MID1: variants seen among roughly 807,000 people sequenced by gnomAD.
The protein encoded by MID1 is E3 ubiquitin-protein ligase Midline-1.
Under a neutral mutation model 40.4 loss-of-function variants are expected in MID1, and 7 were observed. The ratio of observed to expected loss-of-function variants is 0.17; its 90% CI spans 0.10 to 0.33. The LOEUF is 0.33. Ranked by LOEUF, MID1 falls within the 10% of genes least tolerant of loss-of-function variation. The pLI, the probability that MID1 is intolerant of heterozygous loss-of-function variation, is 1.00. For missense variants in MID1, 367 were observed against 558.5 expected, an observed-to-expected ratio of 0.66 and a Z score of 3.46; for synonymous variants, 229 against 221.2, an observed-to-expected ratio of 1.04 and a Z score of -0.31.
chrX:10,702,270 C>T (rs768886611), intron 1 of MID1, among the ~76,000 whole-genome samples: 2 of 111,958 alleles, frequency 1.8e-5, no homozygotes, highest in African/African-American at 6.5e-5. Context: ...ATTTGGCCAA[C>T]TCTCTTTGGG....
chrX:10,471,295 A>C (rs928449234), intron 6 of MID1, among the ~76,000 whole-genome samples: 1 of 112,372 alleles, frequency 8.9e-6, no homozygotes, highest in Non-Finnish European at 1.9e-5. Flanking sequence ...AAGTTTATAA[A>C]AACTGTAAAT....
At chrX:10,688,424 T>G (rs1434155090) in intron 1 of MID1, among the ~76,000 whole-genome samples, 2 of 111,763 alleles carry the variant, frequency 1.8e-5, no homozygotes, top group Non-Finnish European at 3.8e-5. Context: ...GCCTTTTAAT[T>G]TCATTCTTAC....
At chrX:10,602,189 T>A (rs60573603) in intron 1 of MID1, among the ~76,000 whole-genome samples, 2,258 of 108,080 alleles carry the variant, frequency 0.021, 86 homozygotes, top group African/African-American at 0.073. Context: ...TAATCTGGGA[T>A]AAAATCTCTG....
chrX:10,455,553 T>G (rs1023405132), intron 8 of MID1, among the ~76,000 whole-genome samples: 1 of 111,821 alleles, frequency 8.9e-6, no homozygotes, highest in Non-Finnish European at 1.9e-5. Context: ...AAAGGAGGAA[T>G]GAATGAAGAC....
In MID1 at chrX:10,532,255, C is replaced by T. The variant is rs374521250; in HGVS notation, c.661-9068G>A. On this transcript the variant is annotated intron_variant, in intron 2 of 9. Transcript: ENST00000317552. The stretch of plus-strand genomic sequence containing the variant: ...CCTGTAATCCCAACACTTTGGGATG[C>T]CAAGGCGGGAGGATTGCTTTAAACC... 4.3e-3 allele frequency among the ~76,000 whole-genome samples: 481 copies of T among 112,274 alleles called. 4 individuals carry two copies. Among genetic ancestry groups the T allele is most frequent in the African/African-American group, 0.015 (458 of 30,933 alleles).
intron 1 of MID1, among the ~76,000 whole-genome samples, chrX:10,579,827 G>T (rs772827819): frequency 9.3e-6 from 1 of 108,081 alleles, no homozygotes; most frequent in African/African-American, 3.4e-5. Context: ...ACAGAAAGAG[G>T]AGTGACTCTT....
At chrX:10,661,252 C>T (rs180807641) in intron 1 of MID1, among the ~76,000 whole-genome samples, 46 of 110,935 alleles carry the variant, frequency 4.1e-4, no homozygotes, top group Non-Finnish European at 4.3e-4. Flanking sequence ...TGGGGGAAGC[C>T]GCATGAATGG....
intron 1 of MID1, among the ~76,000 whole-genome samples, chrX:10,613,730 TATAGAG>T (rs1357557630): frequency 2.7e-3 from 82 of 30,639 alleles, no homozygotes; most frequent in East Asian, 3.7e-3. Context: ...TATATATATA[TATAGAG>T]AGAGAGAGAG....
chrX:10,474,943 AG>A, intron 5 of MID1, 193 bp from the exon 6 acceptor site: 1 of 491,131 alleles, frequency 2.0e-6, no homozygotes, highest in Non-Finnish European at 3.6e-6. Flanking sequence ...AAAAAAGTGA[AG>A]GAATTGGAGA....
At chrX:10,481,054 T>G (rs1456574315) in intron 5 of MID1, among the ~76,000 whole-genome samples, 2 of 112,141 alleles carry the variant, frequency 1.8e-5, no homozygotes, top group Non-Finnish European at 3.8e-5. Flanking sequence ...TGGCAAAGTA[T>G]GGTCTACTGC....
intron 3 of MID1, among the ~76,000 whole-genome samples, chrX:10,518,542 T>C (rs73477254): frequency 0.035 from 3,900 of 110,945 alleles, 183 homozygotes; most frequent in African/African-American, 0.12. Flanking sequence ...AGCTTTATCA[T>C]CTTGCTGGTT....
At chrX:10,695,703 C>T (rs774555390) in intron 1 of MID1, among the ~76,000 whole-genome samples, 11 of 111,721 alleles carry the variant, frequency 9.8e-5, no homozygotes, top group South Asian at 7.5e-4. Flanking sequence ...TTTTTGTCTG[C>T]GCAGCAGGCA....
intron 1 of MID1, among the ~76,000 whole-genome samples, chrX:10,723,372 G>T: frequency 8.9e-6 from 1 of 111,948 alleles, no homozygotes; most frequent in East Asian, 2.8e-4. Flanking sequence ...ATGCTATGAG[G>T]CTGAGCCCCC....
chrX:10,508,098 T>C (rs1414321761), intron 3 of MID1, among the ~76,000 whole-genome samples: 2 of 112,413 alleles, frequency 1.8e-5, no homozygotes, highest in Non-Finnish European at 3.8e-5. Flanking sequence ...GTGCCCACAA[T>C]GTGCAAAGCA....
intron 1 of MID1, among the ~76,000 whole-genome samples, chrX:10,791,091 T>A (rs2043927102): frequency 8.9e-6 from 1 of 112,740 alleles, no homozygotes; most frequent in Admixed American, 9.4e-5. Context: ...AAGGAAGTTA[T>A]GGGTGAATAC....
chrX:10,580,438 G>A (rs769966140), intron 1 of MID1, among the ~76,000 whole-genome samples: 18 of 111,453 alleles, frequency 1.6e-4, no homozygotes, highest in South Asian at 3.8e-4. Flanking sequence ...ACTAGGCAAT[G>A]GGTACTGTGC....
At chrX:10,570,226 T>C (rs901912505) in intron 1 of MID1, among the ~76,000 whole-genome samples, 22 of 111,349 alleles carry the variant, frequency 2.0e-4, no homozygotes, top group African/African-American at 6.5e-4. Context: ...AGCACATCAA[T>C]CCCCTGCTCG....
chrX:10,594,173 A>G (rs1399155540), intron 1 of MID1, among the ~76,000 whole-genome samples: 1 of 111,979 alleles, frequency 8.9e-6, no homozygotes, highest in African/African-American at 3.3e-5. Context: ...AATATTATCA[A>G]CTACTATGTC....
intron 4 of MID1, among the ~76,000 whole-genome samples, chrX:10,494,329 G>A (rs1931115228): frequency 9.0e-6 from 1 of 111,433 alleles, no homozygotes; most frequent in South Asian, 3.7e-4. Flanking sequence ...ATTAGCCACG[G>A]TTATCTCTGT....
Sources: allele counts gnomAD v4.1 joint callset (sites outside exome capture counted in the v4.1 genomes callset), GRCh38; gene constraint gnomAD v4.1.1; transcripts MANE v1.5; gene names NCBI Gene and HGNC (gene_info 2026-07-23, HGNC 2026-07-21).